The following TMTC1 variants were observed in gnomAD, a reference collection of about 807,000 sequenced individuals.
TMTC1 encodes the protein protein O-mannosyl-transferase TMTC1.
A neutral mutation model predicts 104.8 loss-of-function variants in TMTC1; 73 were observed. That is an observed-to-expected ratio of 0.70 (90% confidence interval 0.58 to 0.85). The LOEUF (loss-of-function observed/expected upper bound fraction) is 0.85, where lower values mean the gene tolerates loss of function less well. TMTC1 is among the 40% of genes least tolerant of loss of function. The pLI is 0.00. For synonymous variants in TMTC1, 434 were observed against 428.7 expected (o/e 1.01, Z -0.15); for missense variants, 1,035 against 1,096.1 (o/e 0.94, Z 0.79).
intron 5 of TMTC1, among the ~76,000 whole-genome samples, chr12:29,739,948 C>T (rs1388200548): frequency 1.3e-5 from 2 of 152,044 alleles, no homozygotes; most frequent in Non-Finnish European, 2.9e-5. Context: ...CCTCATGATC[C>T]GCCCACCTCA....
chr12:29,717,712 C>T (rs1405998507), intron 5 of TMTC1, among the ~76,000 whole-genome samples: 1 of 152,084 alleles, frequency 6.6e-6, no homozygotes, highest in East Asian at 1.9e-4. Flanking sequence ...CCAAAACAGT[C>T]ACTTGCAACT....
chr12:29,721,534 T>C (rs1047867760), intron 5 of TMTC1, among the ~76,000 whole-genome samples: 12 of 152,070 alleles, frequency 7.9e-5, no homozygotes, highest in Non-Finnish European at 1.6e-4. Context: ...TAGCACCGCC[T>C]GAAAATATAT....
At chr12:29,710,499 G>A (rs1024455350) in intron 5 of TMTC1, among the ~76,000 whole-genome samples, 6 of 146,070 alleles carry the variant, frequency 4.1e-5, no homozygotes, top group South Asian at 2.1e-4. Flanking sequence ...TTTAGAAGAT[G>A]ATTTTTAAAG....
At chr12:29,643,750 A>ATTTATTAT (rs1565733866) in intron 5 of TMTC1, among the ~76,000 whole-genome samples, 1 of 39,676 alleles carries the variant, frequency 2.5e-5, no homozygotes, top group Non-Finnish European at 4.2e-5. Flanking sequence ...AAATATATAT[A>ATTTATTAT]AATATTTATA....
At chr12:29,775,773 G>GAT (rs1332249306) in intron 1 of TMTC1, among the ~76,000 whole-genome samples, 2 of 151,992 alleles carry the variant, frequency 1.3e-5, no homozygotes, top group Admixed American at 1.3e-4. Flanking sequence ...ATATAGGAGT[G>GAT]ATATCACATG....
At chr12:29,694,012 A>T (rs1428648505) in intron 5 of TMTC1, among the ~76,000 whole-genome samples, 1 of 152,208 alleles carries the variant, frequency 6.6e-6, no homozygotes, top group East Asian at 1.9e-4. Context: ...TTAAAAATAG[A>T]TTATTTTACA....
intron 5 of TMTC1, among the ~76,000 whole-genome samples, chr12:29,712,006 C>CAAAAA (rs34419655): frequency 2.3e-5 from 1 of 43,904 alleles, no homozygotes; most frequent in African/African-American, 9.1e-5. Context: ...GACTCCATCT[C>CAAAAA]AAAAAAAAAA....
chr12:29,696,788 T>C (rs4931210), intron 5 of TMTC1, among the ~76,000 whole-genome samples: 6,308 of 152,244 alleles, frequency 0.041, 221 homozygotes, highest in South Asian at 0.18. Context: ...AGAAGGTATT[T>C]TGTGCAAATT....
chr12:29,708,006 G>A (rs766322378), intron 5 of TMTC1, among the ~76,000 whole-genome samples: 2 of 152,168 alleles, frequency 1.3e-5, no homozygotes, highest in African/African-American at 2.4e-5. Context: ...GCTGAGAAAC[G>A]AGGTACTCTG....
At chr12:29,534,561 A>C (rs1340160449) in intron 11 of TMTC1, 1 of 152,168 alleles carries the variant, frequency 6.6e-6, no homozygotes, top group Non-Finnish European at 1.5e-5. Flanking sequence ...TAAATTTATC[A>C]AGTAATCAAT....
At chr12:29,562,609 T>A (rs1272306775) in intron 9 of TMTC1, among the ~76,000 whole-genome samples, 6 of 151,922 alleles carry the variant, frequency 3.9e-5, no homozygotes, top group Non-Finnish European at 2.9e-5. Flanking sequence ...TTTGGTGGAG[T>A]GGAAAAATAA....
chr12:29,669,721 T>C (rs906618758), intron 5 of TMTC1, among the ~76,000 whole-genome samples: 1 of 152,244 alleles, frequency 6.6e-6, no homozygotes, highest in Non-Finnish European at 1.5e-5. Flanking sequence ...ATTTGGTATA[T>C]ATAAAAACTT....
chr12:29,715,483 C>A (rs1591966186), intron 5 of TMTC1, among the ~76,000 whole-genome samples: 2 of 152,216 alleles, frequency 1.3e-5, no homozygotes, highest in African/African-American at 4.8e-5. Context: ...ATTTCAATAA[C>A]ATTTTATTTT....
chr12:29,599,542 A>G (rs1946498679), intron 7 of TMTC1, among the ~76,000 whole-genome samples: 1 of 152,222 alleles, frequency 6.6e-6, no homozygotes, highest in Non-Finnish European at 1.5e-5. Context: ...ATTGTTAGGC[A>G]TAAAGGCGGA....
intron 5 of TMTC1, among the ~76,000 whole-genome samples, chr12:29,657,985 T>C (rs1486723754): frequency 6.6e-6 from 1 of 151,838 alleles, no homozygotes; most frequent in Non-Finnish European, 1.5e-5. Flanking sequence ...CCCAGCTGCT[T>C]GGGAGGCTGA....
chr12:29,590,991 A>G lies in TMTC1; in HGVS notation c.1251-7417T>C, dbSNP rs201143479. On this transcript the variant is annotated intron_variant, in intron 7 of 17. Coordinates refer to ENST00000539277, the MANE Select transcript of TMTC1 (RefSeq NM_001193451.2). ...CAATAGTTTGTGGATCCCTGCTATA[A>G]CCAGAATGAAGGAGAACACATTCCT... Among the ~76,000 whole-genome samples, 11 of 152,250 alleles carry G rather than the reference A, an allele frequency of 7.2e-5. No individual in the cohort carries two copies. In the East Asian group the frequency reaches 1.5e-3, roughly 21 times the overall value.
chr12:29,531,449 A>G (rs1944500830), intron 11 of TMTC1, among the ~76,000 whole-genome samples: 1 of 152,134 alleles, frequency 6.6e-6, no homozygotes, highest in Non-Finnish European at 1.5e-5. Flanking sequence ...TATCATTTTA[A>G]TTAATTGTTT....
chr12:29,737,290 G>C (rs1231605737), intron 5 of TMTC1, among the ~76,000 whole-genome samples: 1 of 152,150 alleles, frequency 6.6e-6, no homozygotes, highest in South Asian at 2.1e-4. Context: ...AAGCTGAGGC[G>C]GGCGGATCAC....
chr12:29,706,525 C>T (rs953391781), intron 5 of TMTC1, among the ~76,000 whole-genome samples: 11 of 152,094 alleles, frequency 7.2e-5, no homozygotes, highest in Non-Finnish European at 1.0e-4. Flanking sequence ...AGGATTCAGT[C>T]GGGAAGTAAT....
Sources: allele counts gnomAD v4.1 joint callset (sites outside exome capture counted in the v4.1 genomes callset), GRCh38; gene constraint gnomAD v4.1.1; transcripts MANE v1.5; gene names NCBI Gene and HGNC (gene_info 2026-07-23, HGNC 2026-07-21).